The following ACSS1 variants were observed in gnomAD, a reference collection of about 807,000 sequenced individuals.
ACSS1 encodes the protein acetyl-coenzyme A synthetase 2-like, mitochondrial.
ACSS1 carries 42 observed loss-of-function variants against 75.3 expected under a neutral mutation model. The observed-to-expected ratio is 0.56, with a 90% CI of 0.44 to 0.72. The LOEUF (loss-of-function observed/expected upper bound fraction) is 0.72, where lower values mean the gene tolerates loss of function less well. Ranked by LOEUF, ACSS1 falls within the 30% of genes least tolerant of loss-of-function variation. The probability of loss-of-function intolerance (pLI) is 0.00; values close to 1 mark genes in which losing one functional copy is unlikely to be tolerated. For missense variants in ACSS1, 782 were observed against 935.7 expected (o/e 0.84, Z 2.14); for synonymous variants, 380 against 376.8 (o/e 1.01, Z -0.10).
chr20:25,025,198 G>A (rs1421812951), intron 3 of ACSS1, among the ~76,000 whole-genome samples: 1 of 152,194 alleles, frequency 6.6e-6, no homozygotes, highest in Non-Finnish European at 1.5e-5. Context: ...CTACACAGCA[G>A]GCAGTTCCTT....
At chr20:25,012,059 G>A (rs185048307) in intron 12 of ACSS1, 218 of 155,580 alleles carry the variant, frequency 1.4e-3, no homozygotes, top group African/African-American at 5.0e-3. Context: ...CCTTGGTAAA[G>A]GCCATTCTAG....
chr20:25,038,334 G>A (rs998434335), intron 2 of ACSS1, among the ~76,000 whole-genome samples: 16 of 152,280 alleles, frequency 1.1e-4, no homozygotes, highest in Admixed American at 7.8e-4. Context: ...CACACCACTG[G>A]GGCCTGAACT....
At chr20:25,014,416 T>G (rs2122600637) in intron 8 of ACSS1, among the ~76,000 whole-genome samples, 1 of 152,352 alleles carries the variant, frequency 6.6e-6, no homozygotes, top group East Asian at 1.9e-4. Flanking sequence ...CCATTTGACA[T>G]GAACCCAACA....
chr20:25,012,574 G>A (rs1600306015), intron 12 of ACSS1, 27 bp downstream of exon 12: 2 of 1,613,756 alleles, frequency 1.2e-6, no homozygotes, highest in African/African-American at 2.7e-5. Flanking sequence ...CAGGAATCAG[G>A]GAGGAGCTCA....
intron 3 of ACSS1, among the ~76,000 whole-genome samples, chr20:25,029,079 G>C (rs1008683366): frequency 3.3e-5 from 5 of 152,134 alleles, no homozygotes; most frequent in African/African-American, 1.2e-4. Flanking sequence ...GTTTACTACT[G>C]AGAAAGTGAA....
chr20:25,013,872 C>T, intron 9 of ACSS1, 89 bp downstream of exon 9: 1 of 1,423,268 alleles, frequency 7.0e-7, no homozygotes, highest in Non-Finnish European at 9.7e-7. Context: ...CAGGTACAGA[C>T]CTGGGCACAC....
At chr20:25,017,441 C>G (rs1038454704) in intron 7 of ACSS1, among the ~76,000 whole-genome samples, 1 of 152,232 alleles carries the variant, frequency 6.6e-6, no homozygotes, top group Admixed American at 6.5e-5. Flanking sequence ...CCCAGCACTG[C>G]TCCGAGGTGC....
chr20:25,026,582 AC>A (rs1226383816), intron 3 of ACSS1, among the ~76,000 whole-genome samples: 1 of 152,224 alleles, frequency 6.6e-6, no homozygotes, highest in East Asian at 1.9e-4. Context: ...GGAGCAGAAA[AC>A]AGCCATTCCC....
chr20:25,038,088 A>T (rs2088944953), intron 2 of ACSS1, among the ~76,000 whole-genome samples: 1 of 152,222 alleles, frequency 6.6e-6, no homozygotes, highest in Non-Finnish European at 1.5e-5. Flanking sequence ...GGGCCCAGGC[A>T]CAGCGAGGGC....
chr20:25,045,251 A>T (rs915940275), intron 2 of ACSS1, among the ~76,000 whole-genome samples: 2 of 152,334 alleles, frequency 1.3e-5, no homozygotes, highest in South Asian at 4.1e-4. Context: ...GTCACAGGCC[A>T]GCAGCAGGAT....
In ACSS1 at chr20:25,046,835, T is replaced by C. The variant is rs533100353; in HGVS notation, c.431+1250A>G. 17 of 779,772 alleles carry C rather than the reference T, an allele frequency of 2.2e-5. No individual in the cohort carries two copies. In the African/African-American group the frequency reaches 2.7e-4, roughly 12 times the overall value. The allele number at this position is 779,772 out of a possible 1,614,324, so 48.3% of individuals were successfully genotyped here. On this transcript the variant is annotated intron_variant, in intron 2 of 13. Coordinates refer to ENST00000323482, the MANE Select transcript of ACSS1 (RefSeq NM_032501.4). ...CCGAGGATCCAGGGCAGAAGAATGC[T>C]GCTGGCCTATGGGCCACACGGCATC...
intron 2 of ACSS1, among the ~76,000 whole-genome samples, chr20:25,032,182 T>G (rs186830566): frequency 1.5e-4 from 23 of 152,288 alleles, no homozygotes; most frequent in African/African-American, 5.5e-4. Context: ...ATGTCTATGG[T>G]GTGCGCATGC....
chr20:25,014,218 G>T, intron 8 of ACSS1, 145 bp from the exon 9 acceptor site: 1 of 689,320 alleles, frequency 1.5e-6, no homozygotes, highest in Non-Finnish European at 2.5e-6. Flanking sequence ...AACCAGATGT[G>T]GGTCTGGTGC....
chr20:25,049,567 C>T (rs1029583088), intron 1 of ACSS1, among the ~76,000 whole-genome samples: 4 of 152,142 alleles, frequency 2.6e-5, no homozygotes, highest in Non-Finnish European at 5.9e-5. Context: ...CACACAAGGC[C>T]GGTGGCGGCA....
At chr20:25,049,660 G>T (rs1043810361) in intron 1 of ACSS1, among the ~76,000 whole-genome samples, 4 of 152,136 alleles carry the variant, frequency 2.6e-5, no homozygotes, top group African/African-American at 4.8e-5. Context: ...GAGCAGCCTG[G>T]GGCTGAAACA....
At chr20:25,040,077 A>G (rs1430632160) in intron 2 of ACSS1, among the ~76,000 whole-genome samples, 1 of 152,198 alleles carries the variant, frequency 6.6e-6, no homozygotes, top group Non-Finnish European at 1.5e-5. Context: ...CACAGAAGTG[A>G]GTCCTTTCCC....
intron 1 of ACSS1, 75 bp downstream of exon 1, chr20:25,057,694 C>A: frequency 2.8e-6 from 4 of 1,418,308 alleles, no homozygotes; most frequent in Non-Finnish European, 3.8e-6. Flanking sequence ...GGGACGGCTG[C>A]CGCTGGCGAG....
At position 25,021,542 on chromosome 20, in the gene ACSS1, G is replaced by A. The variant is rs751728395; in HGVS notation, c.961-6C>T. Reference sequence around the variant, plus strand: ...GGCTGGTGGTCAAACACAAGCTGCAGAGACAGGAAAGGAGCATCAGGAGCT... The same window carrying A: ...GGCTGGTGGTCAAACACAAGCTGCAAAGACAGGAAAGGAGCATCAGGAGCT... On this transcript the variant is annotated splice_polypyrimidine_tract_variant and splice_region_variant and intron_variant, in intron 5 of 13. Coordinates refer to ENST00000323482, the MANE Select transcript of ACSS1 (RefSeq NM_032501.4). 6 of 1,613,232 alleles carry A rather than the reference G, an allele frequency of 3.7e-6. No homozygotes were observed. The African/African-American group carries it at 6.7e-5, about 18-fold the overall frequency.
In ACSS1 at chr20:25,013,975, G is replaced by T. The variant is rs138245840; in HGVS notation, c.1438C>A (p.Leu480Ile). The T allele has an allele frequency of 5.6e-6, 9 of 1,613,634 alleles. No homozygotes were observed. In the African/African-American group the frequency reaches 6.7e-5, roughly 12 times the overall value. ...CCCATACACACCTTCTCATCCATGA[G>T]GACGGGGACGATGCCAAAGAAGGGC... ...MRPFFGIVPV[L>I]MDEKGSVVEG... is the part of the protein sequence containing the mutation. The change falls in exon 9 of 14, where the codon CTC (leucine) becomes ATC (isoleucine). Residue 480 changes from leucine (L) to isoleucine (I), a missense_variant. By Grantham distance (5) the Leu-to-Ile change is conservative (BLOSUM62 2). Coordinates refer to ENST00000323482, the MANE Select transcript of ACSS1 (RefSeq NM_032501.4).
Sources: allele counts gnomAD v4.1 joint callset (sites outside exome capture counted in the v4.1 genomes callset), GRCh38; gene constraint gnomAD v4.1.1; transcripts MANE v1.5; gene names NCBI Gene and HGNC (gene_info 2026-07-23, HGNC 2026-07-21).